Variants in SLCO3A1 observed in about 807,000 individuals in gnomAD.
The protein encoded by SLCO3A1 is PGE1 transporter.
SLCO3A1 carries 27 observed loss-of-function variants against 63.1 expected under a neutral mutation model. That is an observed-to-expected ratio of 0.43 (90% CI 0.32 to 0.59). The LOEUF (loss-of-function observed/expected upper bound fraction) is 0.59. Ranked by LOEUF, SLCO3A1 falls within the 20% of genes least tolerant of loss-of-function variation. The pLI is 0.09. For synonymous variants in SLCO3A1, 473 were observed against 409.9 expected (o/e 1.15, Z -1.86); for missense variants, 773 against 945.8 (o/e 0.82, Z 2.40).
In SLCO3A1 at chr15:92,126,048, ATTTT is replaced by A. The variant is rs386786507; in HGVS notation, c.1175-12_1175-9del. 1.7e-4 allele frequency: 274 copies of A among 1,612,146 alleles called. 1 individual carries two copies. The African/African-American group carries it at 2.8e-3, about 16-fold the overall frequency. ...TCCCTGTTCACAGCCCTGCCCCTCT[ATTTT>A]CCTTCCAGGGATGACTGCGATCCCG... On this transcript the variant is annotated splice_polypyrimidine_tract_variant and intron_variant, in intron 5 of 9. Coordinates refer to ENST00000318445, the MANE Select transcript of SLCO3A1 (RefSeq NM_013272.4).
At chr15:92,169,975 C>A (rs534531601), downstream of SLCO3A1, among the ~76,000 whole-genome samples, 5 of 152,250 alleles carry the variant, frequency 3.3e-5, no homozygotes, top group Admixed American at 3.3e-4. Flanking sequence ...TGGTGATTAT[C>A]ATAAATTTTG....
At chr15:91,922,190 G>A (rs1208270324) in intron 2 of SLCO3A1, among the ~76,000 whole-genome samples, 5 of 63,548 alleles carry the variant, frequency 7.9e-5, no homozygotes, top group South Asian at 7.2e-4. Context: ...ACACACGCGC[G>A]TGCACGCACA....
rs563841172 is a variant in SLCO3A1 at position 92,062,890 on chromosome 15, G to C, written c.647-31991G>C. ...ATGGCTTCTGAATCAGGGCCTGCCC[G>C]CCTCCTGCAGGTCCCTCTCAGTAAG... On this transcript the variant is annotated intron_variant, in intron 2 of 9. Transcript: ENST00000318445. Among the ~76,000 whole-genome samples, 3 of 152,244 alleles carry C rather than the reference G, an allele frequency of 2.0e-5. No individual in the cohort carries two copies. The South Asian group carries it at 6.2e-4, about 32-fold the overall frequency.
At chr15:92,115,179 C>T (rs879626956) in intron 4 of SLCO3A1, among the ~76,000 whole-genome samples, 1 of 152,070 alleles carries the variant, frequency 6.6e-6, no homozygotes, top group Non-Finnish European at 1.5e-5. Context: ...ACTTCAATTC[C>T]GGGGAACTGG....
chr15:92,003,900 C>T (rs547750363), intron 2 of SLCO3A1, among the ~76,000 whole-genome samples: 80 of 152,274 alleles, frequency 5.3e-4, no homozygotes, highest in African/African-American at 1.6e-3. Context: ...ATCAGCACTG[C>T]GCAGCTGGGG....
Position 91,863,409 on chromosome 15 carries a change from G to A in SLCO3A1, c.180+9321G>A, listed in dbSNP as rs1035960239. ...TGGCTTTCGAGGTTGCTCGTGCAGT[G>A]TAGTGGGATGGCCGTGAGTACAACC... On this transcript the variant is annotated intron_variant, in intron 1 of 9. Transcript: ENST00000318445. The surrounding 1 kb of genome is among the most constrained non-coding windows in gnomAD (Gnocchi z 4.3). 2.0e-5 allele frequency among the ~76,000 whole-genome samples: 3 copies of A among 152,258 alleles called. No individual in the cohort carries two copies. Among genetic ancestry groups the A allele is most frequent in the Non-Finnish European group, 4.4e-5 (3 of 68,046 alleles).
chr15:91,991,111 T>C (rs1366001763), intron 2 of SLCO3A1, among the ~76,000 whole-genome samples: 3 of 152,228 alleles, frequency 2.0e-5, no homozygotes, highest in Non-Finnish European at 4.4e-5. Flanking sequence ...GGCTCACGCC[T>C]GTAATCCCAA....
chr15:91,994,521 T>G (rs993089376), intron 2 of SLCO3A1, among the ~76,000 whole-genome samples: 1 of 152,148 alleles, frequency 6.6e-6, no homozygotes, highest in Non-Finnish European at 1.5e-5. Flanking sequence ...AGCAGCTACG[T>G]TGTGTTGTCC....
chr15:92,067,842 G>T (rs1226322742), intron 2 of SLCO3A1, among the ~76,000 whole-genome samples: 1 of 152,160 alleles, frequency 6.6e-6, no homozygotes, highest in Non-Finnish European at 1.5e-5. Context: ...TCTGCAGGCG[G>T]GGACGTCCAA....
chr15:91,895,932 C>G (rs887269715), intron 1 of SLCO3A1, among the ~76,000 whole-genome samples: 1 of 152,134 alleles, frequency 6.6e-6, no homozygotes, highest in African/African-American at 2.4e-5. Flanking sequence ...ACTGTGTAGA[C>G]CCAGCCTTAC....
intron 2 of SLCO3A1, among the ~76,000 whole-genome samples, chr15:91,998,622 C>T (rs558319673): frequency 3.9e-5 from 6 of 152,112 alleles, no homozygotes; most frequent in African/African-American, 1.2e-4. Flanking sequence ...ATGGCTGTTA[C>T]CAAAAGTCAA....
intron 7 of SLCO3A1, among the ~76,000 whole-genome samples, chr15:92,143,288 G>A (rs940917346): frequency 1.4e-4 from 18 of 127,214 alleles, no homozygotes; most frequent in African/African-American, 5.1e-4. Flanking sequence ...GTTTGAACTA[G>A]GGCAGGGTTT....
rs1487504560 is a variant in SLCO3A1 at position 91,897,089 on chromosome 15, T to C, written c.181-18904T>C. On this transcript the variant is annotated intron_variant, in intron 1 of 9. Transcript: ENST00000318445. This position sits in a 1 kb window ranked among gnomAD's most constrained non-coding sequence, Gnocchi z 4.7. Reference sequence around the variant, plus strand: ...TGCCATTTTAGCAGCTGGAAAGTTGTGAGAAATCAAAGTAACCGTAAGATA... The same window carrying C: ...TGCCATTTTAGCAGCTGGAAAGTTGCGAGAAATCAAAGTAACCGTAAGATA... 6.6e-6 allele frequency among the ~76,000 whole-genome samples: 1 copy of C among 152,160 alleles called. No homozygotes were observed. Among genetic ancestry groups the C allele is most frequent in the Non-Finnish European group, 1.5e-5 (1 of 68,030 alleles).
rs553101650 is a variant in SLCO3A1 at position 91,885,723 on chromosome 15, G to A, written c.181-30270G>A. Among the ~76,000 whole-genome samples, 1 of 152,310 alleles carries A rather than the reference G, an allele frequency of 6.6e-6. No individual in the cohort carries two copies. The highest frequency in any genetic ancestry group is 2.1e-4 in the South Asian group (1 of 4,828). ...GTGAGCAGACACATACATGCGGTCT[G>A]ACAATTCAGATCCCTTCGCCTTCCC... On this transcript the variant is annotated intron_variant, in intron 1 of 9. Coordinates refer to ENST00000318445, the MANE Select transcript of SLCO3A1 (RefSeq NM_013272.4). This position sits in a 1 kb window ranked among gnomAD's most constrained non-coding sequence, Gnocchi z 4.7.
intron 2 of SLCO3A1, among the ~76,000 whole-genome samples, chr15:91,934,088 C>T (rs1597134664): frequency 6.6e-6 from 1 of 152,068 alleles, no homozygotes; most frequent in Non-Finnish European, 1.5e-5. Context: ...ACATGAGACT[C>T]CTGGATCAGA....
At chr15:92,012,424 A>G (rs900266853) in intron 2 of SLCO3A1, among the ~76,000 whole-genome samples, 1 of 152,186 alleles carries the variant, frequency 6.6e-6, no homozygotes, top group Non-Finnish European at 1.5e-5. Context: ...CTTGAAGCCA[A>G]GGGAGCATGT....
Position 92,163,621 on chromosome 15 carries a change from A to C in SLCO3A1, c.*486A>C. 1.0e-6 allele frequency: 1 copy of C among 984,008 alleles called. No individual in the cohort carries two copies. Among genetic ancestry groups the C allele is most frequent in the South Asian group, 4.7e-5 (1 of 21,224 alleles). 61.0% of individuals were successfully genotyped at this position (984,008 alleles called of 1,614,324 possible). A position where few individuals can be genotyped will look rare whatever the true frequency, so the allele number is the denominator to read the frequency against. ...AAGCACTAGTGACACACCCCGTGCC[A>C]CCCTCTTCCTCCAGGTGGGGGTGGG... On this transcript the variant is annotated 3_prime_UTR_variant, in exon 10 of 10. Coordinates refer to ENST00000318445, the MANE Select transcript of SLCO3A1 (RefSeq NM_013272.4).
At chr15:92,045,035 C>A (rs1439618221) in intron 2 of SLCO3A1, among the ~76,000 whole-genome samples, 1 of 152,130 alleles carries the variant, frequency 6.6e-6, no homozygotes, top group Non-Finnish European at 1.5e-5. Flanking sequence ...AATCCCAGCA[C>A]TTTGGAAGGC....
At chr15:92,036,649 A>G (rs746150623) in intron 2 of SLCO3A1, among the ~76,000 whole-genome samples, 1 of 152,098 alleles carries the variant, frequency 6.6e-6, no homozygotes, top group Non-Finnish European at 1.5e-5. Context: ...CTGCTATCCA[A>G]TTAAATTTGC....
Sources: allele counts gnomAD v4.1 joint callset (sites outside exome capture counted in the v4.1 genomes callset), GRCh38; gene constraint gnomAD v4.1.1; non-coding constraint Gnocchi (gnomAD v3.1); transcripts MANE v1.5; gene names NCBI Gene and HGNC (gene_info 2026-07-23, HGNC 2026-07-21).